The following CD47 variants were observed in gnomAD, a reference collection of about 807,000 sequenced individuals.
CD47 encodes the protein CD47 molecule.
CD47 carries 11 observed loss-of-function variants against 44.6 expected under a neutral mutation model. The ratio of observed to expected loss-of-function variants is 0.25; its 90% CI spans 0.16 to 0.41. The LOEUF (loss-of-function observed/expected upper bound fraction) is 0.41, where lower values mean the gene tolerates loss of function less well. Among genes scored for constraint, CD47 ranks in the 10% least tolerant of loss-of-function variants. CD47 has a pLI of 1.00. For missense variants in CD47, 306 were observed against 386.7 expected (o/e 0.79, Z 1.75); for synonymous variants, 140 against 136.3 (o/e 1.03, Z -0.19).
At chr3:108,049,094 ATCTCTCTCTCTCTCTCTC>A (rs55708779) in intron 10 of CD47, among the ~76,000 whole-genome samples, 2,005 of 129,354 alleles carry the variant, frequency 0.016, 27 homozygotes, top group Admixed American at 0.03. Context: ...AGGACGAAAC[ATCTCTCTCTCTCTCTCTC>A]TCTCTCTCTC....
chr3:108,089,692 A>G lies in CD47; in HGVS notation c.46+1171T>C, dbSNP rs567420252. Among the ~76,000 whole-genome samples, 235 of 152,232 alleles carry G rather than the reference A, an allele frequency of 1.5e-3. 2 individuals are homozygous for G. The highest frequency in any genetic ancestry group is 2.6e-3 in the Non-Finnish European group (178 of 68,006). ...CAACATCCAGGATGCTCGGGGAGGG[A>G]GGAAAGTGGTAAGCAGAGACTTAAG... On this transcript the variant is annotated intron_variant, in intron 1 of 10. Coordinates refer to ENST00000361309, the MANE Select transcript of CD47 (RefSeq NM_001777.4).
At chr3:108,061,157 TG>T (rs2079008365) in intron 3 of CD47, among the ~76,000 whole-genome samples, 1 of 150,266 alleles carries the variant, frequency 6.7e-6, no homozygotes, top group South Asian at 2.1e-4. Flanking sequence ...GATAAGTTTT[TG>T]GGGGGAGGGG....
At chr3:108,070,745 G>A (rs1321072752) in intron 3 of CD47, among the ~76,000 whole-genome samples, 4 of 152,102 alleles carry the variant, frequency 2.6e-5, no homozygotes, top group Non-Finnish European at 5.9e-5. Flanking sequence ...AACTAATGCA[G>A]GCTGTCACCA....
intron 3 of CD47, among the ~76,000 whole-genome samples, chr3:108,061,826 A>G (rs1378061796): frequency 6.6e-6 from 1 of 152,258 alleles, no homozygotes; most frequent in Non-Finnish European, 1.5e-5. Flanking sequence ...TCTCCATGAC[A>G]GTAATCAATT....
At chr3:108,051,728 A>C in intron 8 of CD47, 3 of 654,132 alleles carry the variant, frequency 4.6e-6, no homozygotes, top group Non-Finnish European at 8.8e-6. Flanking sequence ...AATCTTAAGA[A>C]ATCATTTATT....
In CD47 at chr3:108,045,673, T is replaced by C. The variant is rs1217791577; in HGVS notation, c.*1615A>G. On this transcript the variant is annotated 3_prime_UTR_variant, in exon 11 of 11. Coordinates refer to ENST00000361309, the MANE Select transcript of CD47 (RefSeq NM_001777.4). ...AACTACTTGGTCCCAACATGAAATA[T>C]GACAATCAATTTGGCATAAAAGAGG... 1 of 152,562 alleles carries C rather than the reference T, an allele frequency of 6.6e-6. No individual in the cohort carries two copies. Among genetic ancestry groups the C allele is most frequent in the Non-Finnish European group, 1.5e-5 (1 of 68,036 alleles). The allele number at this position is 152,562 out of a possible 1,614,324, so 9.5% of individuals were successfully genotyped here. A position where few individuals can be genotyped will look rare whatever the true frequency, so the allele number is the denominator to read the frequency against.
At chr3:108,075,590 C>A (rs1038052538) in intron 2 of CD47, among the ~76,000 whole-genome samples, 1 of 152,124 alleles carries the variant, frequency 6.6e-6, no homozygotes, top group Admixed American at 6.5e-5. Flanking sequence ...TTTAATCAAA[C>A]CCAGAATTCT....
chr3:108,046,994 A>T lies in CD47; in HGVS notation c.*294T>A. 2 of 332,608 alleles carry T rather than the reference A, an allele frequency of 6.0e-6. No individual in the cohort carries two copies. The highest frequency in any genetic ancestry group is 1.1e-5 in the Non-Finnish European group (2 of 184,316). 20.6% of individuals were successfully genotyped at this position (332,608 alleles called of 1,614,324 possible). Reference sequence around the variant, plus strand: ...GAGGCCCTAGGACCTGAAAGGCATCATTCTTGGAAATTGTCCATTCTACTA... The same window carrying T: ...GAGGCCCTAGGACCTGAAAGGCATCTTTCTTGGAAATTGTCCATTCTACTA... On this transcript the variant is annotated 3_prime_UTR_variant, in exon 11 of 11. Transcript: ENST00000361309.
At chr3:108,049,370 A>C (rs2108218871) in intron 10 of CD47, among the ~76,000 whole-genome samples, 1 of 152,326 alleles carries the variant, frequency 6.6e-6, no homozygotes, top group East Asian at 1.9e-4. Context: ...TTTTACAAAA[A>C]GTGGTAATTT....
intron 1 of CD47, among the ~76,000 whole-genome samples, chr3:108,080,738 C>T (rs533198257): frequency 2.6e-5 from 4 of 151,610 alleles, no homozygotes; most frequent in Admixed American, 2.6e-4. Context: ...AACAGAAAAC[C>T]AAACCAAATA....
At chr3:108,048,407 C>T (rs958979600) in intron 10 of CD47, among the ~76,000 whole-genome samples, 2 of 96,314 alleles carry the variant, frequency 2.1e-5, no homozygotes, top group African/African-American at 4.0e-5. Context: ...TTTCTTGAGA[C>T]GGAGTCTTGC....
intron 2 of CD47, among the ~76,000 whole-genome samples, chr3:108,077,359 G>A (rs2079328649): frequency 6.6e-6 from 1 of 151,856 alleles, no homozygotes. Flanking sequence ...TTTGTTTGTT[G>A]TTTTTTTCAG....
chr3:108,090,354 G>A (rs2079607039), intron 1 of CD47, among the ~76,000 whole-genome samples: 1 of 152,132 alleles, frequency 6.6e-6, no homozygotes, highest in Non-Finnish European at 1.5e-5. Context: ...GTTCATGTGG[G>A]AGGCAAACGG....
chr3:108,074,502 C>T (rs1051313575), intron 2 of CD47, among the ~76,000 whole-genome samples: 5 of 151,890 alleles, frequency 3.3e-5, no homozygotes, highest in African/African-American at 1.2e-4. Flanking sequence ...TTGGTAGAGA[C>T]AGGGTTTTAT....
Position 108,079,887 on chromosome 3 carries a change from G to A in CD47, c.400+104C>T. On this transcript the variant is annotated intron_variant, in intron 2 of 10. Transcript: ENST00000361309. Reference sequence around the variant, plus strand: ...CATCAACATTTATTAATAACAGCCTGCTTTTTGATTCAAAGGAGTACCTAT... The same window carrying A: ...CATCAACATTTATTAATAACAGCCTACTTTTTGATTCAAAGGAGTACCTAT... 3 of 675,448 alleles carry A rather than the reference G, an allele frequency of 4.4e-6. No individual in the cohort carries two copies. The South Asian group carries it at 6.0e-5, about 14-fold the overall frequency. The allele number at this position is 675,448 out of a possible 1,614,324, so 41.8% of individuals were successfully genotyped here. A position where few individuals can be genotyped will look rare whatever the true frequency, so the allele number is the denominator to read the frequency against.
At chr3:108,089,698 G>A (rs2079590710) in intron 1 of CD47, among the ~76,000 whole-genome samples, 1 of 152,186 alleles carries the variant, frequency 6.6e-6, no homozygotes, top group Admixed American at 6.5e-5. Context: ...AGGGAGGAAA[G>A]TGGTAAGCAG....
In CD47 at chr3:108,057,525, T is replaced by C. The variant is rs749297323; in HGVS notation, c.829A>G (p.Ile277Val). Residue 277 changes from isoleucine (I) to valine (V), a missense_variant, in exon 7 of 11, where the codon ATC (isoleucine) becomes GTC (valine). Coordinates refer to ENST00000361309, the MANE Select transcript of CD47 (RefSeq NM_001777.4). Reference sequence around the variant, plus strand: ...CCAAGTAATTGTGCTAGAGCTAAGATACTCAAACCTGAAATCAGAAGAGGG... The same window carrying C: ...CCAAGTAATTGTGCTAGAGCTAAGACACTCAAACCTGAAATCAGAAGAGGG... ...HGPLLISGLS[I>V]LALAQLLGLV... is the part of the protein sequence containing the mutation. 1.9e-6 allele frequency: 3 copies of C among 1,587,348 alleles called. No individual in the cohort carries two copies. Among genetic ancestry groups the C allele is most frequent in the South Asian group, 1.1e-5 (1 of 90,472 alleles).
At chr3:108,064,086 T>C (rs1303327661) in intron 3 of CD47, among the ~76,000 whole-genome samples, 1 of 152,244 alleles carries the variant, frequency 6.6e-6, no homozygotes. Context: ...GTACCTACAA[T>C]GTACCAGCCC....
chr3:108,067,622 C>T (rs2079127355), intron 3 of CD47, among the ~76,000 whole-genome samples: 1 of 152,210 alleles, frequency 6.6e-6, no homozygotes, highest in Non-Finnish European at 1.5e-5. Context: ...AAATTCAATA[C>T]TATCAGTTAA....
Sources: allele counts gnomAD v4.1 joint callset (sites outside exome capture counted in the v4.1 genomes callset), GRCh38; gene constraint gnomAD v4.1.1; transcripts MANE v1.5; gene names NCBI Gene and HGNC (gene_info 2026-07-23, HGNC 2026-07-21).